ZNF354C: variants seen among roughly 807,000 people sequenced by gnomAD.
The protein encoded by ZNF354C is zinc finger protein 354C.
A neutral mutation model predicts 12.4 loss-of-function variants in ZNF354C; 7 were observed. The observed-to-expected ratio is 0.56, with a 90% CI of 0.32 to 1.06. The LOEUF is 1.06. Ranked by LOEUF, ZNF354C falls within the 50% of genes least tolerant of loss-of-function variation. The probability of loss-of-function intolerance (pLI) is 0.04; values close to 1 mark genes in which losing one functional copy is unlikely to be tolerated. For missense variants in ZNF354C, 609 were observed against 658.0 expected, an observed-to-expected ratio of 0.93 and a Z score of 0.81; for synonymous variants, 202 against 224.5, an observed-to-expected ratio of 0.90 and a Z score of 0.90.
Position 179,079,904 on chromosome 5 carries a change from C to T in ZNF354C, c.1472C>T (p.Thr491Ile). ...TTAACCGAACATGAGAGGATCCACA[C>T]TGGAGAGAAACTGTATAAATGTATG... ...SFLTEHERIHTGEKLYKCMEC... is the reference protein window; with the variant it reads ...SFLTEHERIHIGEKLYKCMEC... Residue 491 changes from threonine (T) to isoleucine (I), a missense_variant, in exon 5 of 5, where the codon ACT becomes ATT. Transcript: ENST00000315475. This position sits in a 1 kb window ranked among gnomAD's most constrained non-coding sequence, Gnocchi z 4.2. The T allele has an allele frequency of 6.2e-7, 1 of 1,613,954 alleles. No individual in the cohort carries two copies. Among genetic ancestry groups the T allele is most frequent in the Non-Finnish European group, 8.5e-7 (1 of 1,179,952 alleles).
intron 2 of ZNF354C, among the ~76,000 whole-genome samples, chr5:179,074,015 G>A (rs560675102): frequency 6.6e-6 from 1 of 150,470 alleles, no homozygotes; most frequent in Non-Finnish European, 1.5e-5. Context: ...AAAGAGTCTC[G>A]CTCTGTCTCC....
intron 2 of ZNF354C, among the ~76,000 whole-genome samples, chr5:179,066,558 A>C (rs1039875564): frequency 7.9e-5 from 12 of 152,264 alleles, no homozygotes; most frequent in Non-Finnish European, 1.3e-4. Context: ...GAATTCCCTC[A>C]GTTTTTGTTT....
intron 4 of ZNF354C, 122 bp from the exon 5 acceptor site, chr5:179,078,561 C>T (rs1280931721): frequency 4.0e-6 from 3 of 749,942 alleles, no homozygotes; most frequent in South Asian, 2.0e-5. Flanking sequence ...TTCAAGTCAG[C>T]ATTTGAAATC....
intron 2 of ZNF354C, among the ~76,000 whole-genome samples, chr5:179,065,276 C>T (rs1306608528): frequency 2.0e-5 from 3 of 152,098 alleles, no homozygotes; most frequent in Admixed American, 2.0e-4. Context: ...TGTGCCAGGG[C>T]CCCCCAGGAT....
intron 2 of ZNF354C, among the ~76,000 whole-genome samples, chr5:179,069,738 C>G (rs867447698): frequency 6.8e-6 from 1 of 147,560 alleles, no homozygotes; most frequent in East Asian, 2.1e-4. Flanking sequence ...CGGTGGCGGG[C>G]GCCTGTAGTC....
intron 4 of ZNF354C, among the ~76,000 whole-genome samples, chr5:179,077,681 C>T (rs1321337520): frequency 6.6e-6 from 1 of 152,066 alleles, no homozygotes; most frequent in Non-Finnish European, 1.5e-5. Context: ...CAGATTGTTG[C>T]ACAGGGGTGA....
In ZNF354C at chr5:179,062,030, A is replaced by C. The variant is rs987481144; in HGVS notation, c.-39A>C. ...TCCTCTGCAGACCCACCGTGTCCAC[A>C]CTCTGCTCTCCCTGGGCAGGAAGAC... is the stretch of plus-strand genomic sequence containing the variant. On this transcript the variant is annotated 5_prime_UTR_variant, in exon 2 of 5. Coordinates refer to ENST00000315475, the MANE Select transcript of ZNF354C (RefSeq NM_014594.3). The C allele has an allele frequency of 6.2e-7, 1 of 1,613,564 alleles. No homozygotes were observed. The highest frequency in any genetic ancestry group is 8.5e-7 in the Non-Finnish European group (1 of 1,179,654).
At chr5:179,063,445 G>C (rs1291534027) in intron 2 of ZNF354C, among the ~76,000 whole-genome samples, 1 of 152,150 alleles carries the variant, frequency 6.6e-6, no homozygotes. Context: ...TATAGTCCCA[G>C]ATACTAAGAA....
chr5:179,079,853 GA>G lies in ZNF354C; in HGVS notation c.1424del (p.Lys475ArgfsTer9), dbSNP rs755386319. 9 of 1,614,024 alleles carry G rather than the reference GA, an allele frequency of 5.6e-6. No individual in the cohort carries two copies. The highest frequency in any genetic ancestry group is 7.6e-6 in the Non-Finnish European group (9 of 1,179,978). On this transcript the variant is annotated frameshift_variant, in exon 5 of 5. Coordinates refer to ENST00000315475, the MANE Select transcript of ZNF354C (RefSeq NM_014594.3). LOFTEE classifies it low-confidence loss of function (END_TRUNC). This position sits in a 1 kb window ranked among gnomAD's most constrained non-coding sequence, Gnocchi z 4.2. ...GEKPYQCNQC[G>X]KAFSQYSFLT... ...AAACCGTATCAGTGTAATCAGTGTG[GA>G]AAGGCCTTCAGCCAGTATTCATTTT...
chr5:179,082,447 T>G lies in ZNF354C; in HGVS notation c.*2350T>G, dbSNP rs1465698978. The G allele has an allele frequency of 6.0e-6, 3 of 499,854 alleles. No individual in the cohort carries two copies. Among genetic ancestry groups the G allele is most frequent in the African/African-American group, 5.8e-5 (3 of 51,648 alleles). The allele number at this position is 499,854 out of a possible 1,614,324, so 31.0% of individuals were successfully genotyped here. On this transcript the variant is annotated 3_prime_UTR_variant, in exon 5 of 5. Coordinates refer to ENST00000315475, the MANE Select transcript of ZNF354C (RefSeq NM_014594.3). Reference sequence around the variant, plus strand: ...GGAAATAAATAGACAAGTCCAGAGTTGGTATAGGACAACTGGACTTTTTTT... The same window carrying G: ...GGAAATAAATAGACAAGTCCAGAGTGGGTATAGGACAACTGGACTTTTTTT...
At position 179,078,981 on chromosome 5, in the gene ZNF354C, A is replaced by G. The variant is rs200255941; in HGVS notation, c.549A>G (p.Ile183Met). 572 of 1,613,876 alleles carry G rather than the reference A, an allele frequency of 3.5e-4. No homozygotes were observed. Among genetic ancestry groups the G allele is most frequent in the Admixed American group, 2.3e-3 (138 of 60,008 alleles). The change falls in exon 5 of 5, where the codon ATA becomes ATG. Residue 183 changes from isoleucine (I) to methionine (M), a missense_variant. Transcript: ENST00000315475. ...TALVTQQSVPIERIPNMYYTF... is the reference protein window; with the variant it reads ...TALVTQQSVPMERIPNMYYTF... ...TTGTCACACAACAGAGTGTTCCTAT[A>G]GAAAGGATACCCAATATGTATTATA... is the stretch of plus-strand genomic sequence containing the variant.
intron 2 of ZNF354C, among the ~76,000 whole-genome samples, chr5:179,072,662 C>G (rs1263118367): frequency 1.3e-5 from 2 of 151,994 alleles, no homozygotes; most frequent in Non-Finnish European, 2.9e-5. Context: ...TAGTGTGAAC[C>G]AAGAATGCAA....
intron 2 of ZNF354C, among the ~76,000 whole-genome samples, chr5:179,072,713 AAAAGT>A (rs1285687309): frequency 2.0e-5 from 3 of 152,220 alleles, no homozygotes; most frequent in African/African-American, 7.2e-5. Context: ...GCTACATTAA[AAAAGT>A]AAACAGAAGC....
chr5:179,061,823 A>G (rs945895715), intron 1 of ZNF354C, among the ~76,000 whole-genome samples, 192 bp from the exon 2 acceptor site: 7 of 152,204 alleles, frequency 4.6e-5, no homozygotes, highest in Non-Finnish European at 8.8e-5. Context: ...TGGAAGTTAA[A>G]GAGTCCAAGT....
rs1254050652 is a variant in ZNF354C, at chr5:179,060,384, G to T, written c.-337G>T. The stretch of plus-strand genomic sequence containing the variant: ...ATGCCGGGAGTGGTAGTTCTCCCGC[G>T]GTTGGCGGGGTTTCGGGGACAGCTC... On this transcript the variant is annotated 5_prime_UTR_variant, in exon 1 of 5. Transcript: ENST00000315475. This position sits in a 1 kb window ranked among gnomAD's most constrained non-coding sequence, Gnocchi z 4.2. 6.6e-6 allele frequency: 1 copy of T among 152,402 alleles called. No individual in the cohort carries two copies. The highest frequency in any genetic ancestry group is 1.5e-5 in the Non-Finnish European group (1 of 68,156). 9.4% of individuals were successfully genotyped at this position (152,402 alleles called of 1,614,324 possible).
At position 179,082,451 on chromosome 5, in the gene ZNF354C, A is replaced by C; in HGVS notation, c.*2354A>C. The C allele has an allele frequency of 2.0e-6, 1 of 511,110 alleles. No homozygotes were observed. The highest frequency in any genetic ancestry group is 3.5e-6 in the Non-Finnish European group (1 of 288,504). The allele number at this position is 511,110 out of a possible 1,614,324, so 31.7% of individuals were successfully genotyped here. On this transcript the variant is annotated 3_prime_UTR_variant, in exon 5 of 5. Transcript: ENST00000315475. Reference sequence around the variant, plus strand: ...ATAAATAGACAAGTCCAGAGTTGGTATAGGACAACTGGACTTTTTTTTATA... The same window carrying C: ...ATAAATAGACAAGTCCAGAGTTGGTCTAGGACAACTGGACTTTTTTTTATA...
chr5:179,068,857 T>G (rs1761998100), intron 2 of ZNF354C, among the ~76,000 whole-genome samples: 1 of 152,216 alleles, frequency 6.6e-6, no homozygotes, highest in African/African-American at 2.4e-5. Context: ...CAAGTCTGGC[T>G]TCTCCTGAGG....
intron 4 of ZNF354C, among the ~76,000 whole-genome samples, chr5:179,078,096 C>A (rs376445405): frequency 6.6e-6 from 1 of 152,146 alleles, no homozygotes; most frequent in Admixed American, 6.5e-5. Context: ...CCACCGCGCC[C>A]GGCCTGTCTT....
In ZNF354C at chr5:179,079,903, A is replaced by C; in HGVS notation, c.1471A>C (p.Thr491Pro). ...SFLTEHERIH[T>P]GEKLYKCMEC... ...TTTAACCGAACATGAGAGGATCCAC[A>C]CTGGAGAGAAACTGTATAAATGTAT... The change falls in exon 5 of 5, where the codon ACT becomes CCT. Residue 491 changes from threonine to proline, a missense_variant. Transcript: ENST00000315475. This position sits in a 1 kb window ranked among gnomAD's most constrained non-coding sequence, Gnocchi z 4.2. 1 of 1,613,982 alleles carries C rather than the reference A, an allele frequency of 6.2e-7. No homozygotes were observed. Among genetic ancestry groups the C allele is most frequent in the African/African-American group, 1.3e-5 (1 of 75,016 alleles).
Sources: allele counts gnomAD v4.1 joint callset (sites outside exome capture counted in the v4.1 genomes callset), GRCh38; gene constraint gnomAD v4.1.1; non-coding constraint Gnocchi (gnomAD v3.1); transcripts MANE v1.5; gene names NCBI Gene and HGNC (gene_info 2026-07-23, HGNC 2026-07-21).